The following RARB variants were observed in gnomAD, a reference collection of about 807,000 sequenced individuals.
The protein encoded by RARB is HBV-activated protein.
A neutral mutation model predicts 51.9 loss-of-function variants in RARB; 17 were observed. The observed-to-expected ratio is 0.33, with a 90% confidence interval of 0.22 to 0.49. The LOEUF is 0.49. RARB is among the 20% of genes least tolerant of loss of function. RARB has a pLI of 0.99. For synonymous variants in RARB, 215 were observed against 195.4 expected, an observed-to-expected ratio of 1.10 and a Z score of -0.84; for missense variants, 369 against 550.8, an observed-to-expected ratio of 0.67 and a Z score of 3.30.
chr3:25,384,365 C>T (rs1399229574), intron 5 of RARB, among the ~76,000 whole-genome samples: 1 of 152,162 alleles, frequency 6.6e-6, no homozygotes, highest in Non-Finnish European at 1.5e-5. Context: ...TTCCTATTAA[C>T]CGATAGGGTG....
At chr3:25,212,261 C>T (rs140994718) in intron 5 of RARB, among the ~76,000 whole-genome samples, 2 of 152,280 alleles carry the variant, frequency 1.3e-5, no homozygotes, top group South Asian at 4.1e-4. Context: ...ATAATATAGA[C>T]TATGCTAAAT....
chr3:25,225,741 G>A (rs529795068), intron 5 of RARB, among the ~76,000 whole-genome samples: 59 of 152,204 alleles, frequency 3.9e-4, no homozygotes, highest in African/African-American at 1.0e-3. Flanking sequence ...TATTTGTGAT[G>A]GAGATAACCA....
At chr3:25,205,194 G>A (rs996326550) in intron 5 of RARB, among the ~76,000 whole-genome samples, 2 of 152,138 alleles carry the variant, frequency 1.3e-5, no homozygotes, top group Admixed American at 6.5e-5. Flanking sequence ...AGCAATGAGC[G>A]AGGCTCCATG....
intron 2 of RARB, among the ~76,000 whole-genome samples, chr3:24,895,163 A>C (rs753373326): frequency 6.6e-6 from 1 of 152,214 alleles, no homozygotes; most frequent in Non-Finnish European, 1.5e-5. Flanking sequence ...AAATGATATA[A>C]TCTCTATTTC....
intron 5 of RARB, among the ~76,000 whole-genome samples, chr3:25,295,510 A>G (rs898104554): frequency 6.6e-6 from 1 of 152,198 alleles, no homozygotes; most frequent in Admixed American, 6.5e-5. Context: ...TGTATTACCC[A>G]GTCTAAGGTA....
chr3:25,365,469 C>G (rs761893955), intron 5 of RARB, among the ~76,000 whole-genome samples: 2 of 152,034 alleles, frequency 1.3e-5, no homozygotes, highest in Non-Finnish European at 2.9e-5. Flanking sequence ...GTTCCAGTTA[C>G]AATTGTTGTG....
chr3:25,261,518 A>T (rs375296798), intron 5 of RARB, among the ~76,000 whole-genome samples: 5 of 152,054 alleles, frequency 3.3e-5, no homozygotes, highest in African/African-American at 1.2e-4. Context: ...AGTCTATAGT[A>T]TCAACATTAT....
intron 3 of RARB, among the ~76,000 whole-genome samples, chr3:25,521,102 A>G (rs902733504): frequency 6.6e-6 from 1 of 152,216 alleles, no homozygotes; most frequent in Non-Finnish European, 1.5e-5. Context: ...CAGAGCCTTC[A>G]GAGCAACCTA....
intron 3 of RARB, among the ~76,000 whole-genome samples, chr3:25,096,124 G>A (rs935035694): frequency 3.9e-5 from 6 of 152,054 alleles, no homozygotes; most frequent in African/African-American, 1.4e-4. Flanking sequence ...TTTCCCTAAT[G>A]CCCTTTGTTG....
chr3:24,878,934 C>T (rs540615610), intron 2 of RARB, among the ~76,000 whole-genome samples: 132 of 152,146 alleles, frequency 8.7e-4, no homozygotes, highest in Non-Finnish European at 1.6e-3. Context: ...TGTAAAATTT[C>T]TCATTTTTAT....
At chr3:24,986,788 C>A (rs1325023081) in intron 2 of RARB, among the ~76,000 whole-genome samples, 1 of 152,114 alleles carries the variant, frequency 6.6e-6, no homozygotes, top group Non-Finnish European at 1.5e-5. Flanking sequence ...TGATTCACAT[C>A]GCAGCCTTCA....
At chr3:25,571,966 A>C (rs1052965690) in intron 4 of RARB, among the ~76,000 whole-genome samples, 3 of 152,248 alleles carry the variant, frequency 2.0e-5, no homozygotes, top group Admixed American at 1.3e-4. Context: ...TAACATGATG[A>C]ATAACCAATA....
intron 3 of RARB, among the ~76,000 whole-genome samples, chr3:25,112,317 G>A (rs946047107): frequency 1.4e-4 from 22 of 152,190 alleles, no homozygotes; most frequent in Admixed American, 6.5e-4. Flanking sequence ...GTACAGCAGC[G>A]GCAGCATCAC....
intron 1 of RARB, among the ~76,000 whole-genome samples, chr3:25,434,088 T>G (rs1400914992): frequency 6.6e-6 from 1 of 152,190 alleles, no homozygotes; most frequent in East Asian, 1.9e-4. Flanking sequence ...TAACAGGAAC[T>G]GACGTCAGCA....
At chr3:25,036,728 A>G (rs908150660) in intron 2 of RARB, among the ~76,000 whole-genome samples, 6 of 152,090 alleles carry the variant, frequency 3.9e-5, no homozygotes, top group Admixed American at 2.6e-4. Context: ...TCGGAGAGCA[A>G]TGGTCTGGTT....
chr3:24,867,149 G>A (rs1023664208), intron 2 of RARB, among the ~76,000 whole-genome samples: 1 of 152,230 alleles, frequency 6.6e-6, no homozygotes, highest in East Asian at 1.9e-4. Context: ...GCTGGCAATT[G>A]TTTATGTCTA....
chr3:25,084,741 G>A (rs964290820), intron 3 of RARB, among the ~76,000 whole-genome samples: 6 of 149,242 alleles, frequency 4.0e-5, no homozygotes, highest in African/African-American at 1.5e-4. Context: ...TCTGTTTGGG[G>A]TTTTTTTTAA....
chr3:25,164,615 C>A (rs1429358773), intron 4 of RARB, among the ~76,000 whole-genome samples: 1 of 152,168 alleles, frequency 6.6e-6, no homozygotes, highest in Non-Finnish European at 1.5e-5. Flanking sequence ...TATACCCCTT[C>A]AAATTATAGG....
chr3:25,545,521 C>T (rs1221590860), intron 3 of RARB, among the ~76,000 whole-genome samples: 1 of 152,138 alleles, frequency 6.6e-6, no homozygotes, highest in Non-Finnish European at 1.5e-5. Flanking sequence ...ACCCAGCTGG[C>T]CATCCAACGT....
Sources: gnomAD v4.1 joint callset for allele counts (sites outside exome capture counted in the v4.1 genomes callset) on GRCh38, gnomAD v4.1.1 for gene constraint, MANE v1.5 for transcripts, NCBI Gene and HGNC (gene_info 2026-07-23, HGNC 2026-07-21) for gene names.